LRP1B: variants seen among roughly 807,000 people sequenced by gnomAD.
LRP1B encodes the protein LDL receptor related protein 1B.
In LRP1B, 217 loss-of-function variants were observed where a neutral mutation model predicts 556.6. The observed-to-expected ratio is 0.39, with a 90% CI of 0.35 to 0.44. The LOEUF (loss-of-function observed/expected upper bound fraction) is 0.44. LRP1B is among the 20% of genes least tolerant of loss of function. The pLI is 1.00. For missense variants in LRP1B, 5,053 were observed against 5,620.8 expected, an observed-to-expected ratio of 0.90 and a Z score of 3.23; for synonymous variants, 2,047 against 1,865.8, an observed-to-expected ratio of 1.10 and a Z score of -2.50.
intron 1 of LRP1B, among the ~76,000 whole-genome samples, chr2:141,928,810 A>G (rs773179206): frequency 6.6e-6 from 1 of 152,164 alleles, no homozygotes; most frequent in Non-Finnish European, 1.5e-5. Flanking sequence ...TGTGACAAGT[A>G]AGTCCTCTAC....
intron 2 of LRP1B, among the ~76,000 whole-genome samples, chr2:141,685,928 C>G (rs1007909407): frequency 4.6e-5 from 7 of 151,964 alleles, no homozygotes; most frequent in Non-Finnish European, 1.0e-4. Flanking sequence ...GTTGGAACAG[C>G]ATTGTAAAAC....
intron 1 of LRP1B, among the ~76,000 whole-genome samples, chr2:141,869,581 A>T (rs1170417849): frequency 6.6e-6 from 1 of 152,122 alleles, no homozygotes; most frequent in Non-Finnish European, 1.5e-5. Context: ...AACAGAAAAC[A>T]TATGGGTCTG....
At chr2:141,640,863 A>G (rs191670807) in intron 2 of LRP1B, among the ~76,000 whole-genome samples, 29 of 152,226 alleles carry the variant, frequency 1.9e-4, no homozygotes, top group South Asian at 1.0e-3. Flanking sequence ...TTCTTCCCCA[A>G]TAATTTTTCA....
chr2:141,808,113 C>T (rs1169319030), intron 2 of LRP1B, among the ~76,000 whole-genome samples: 1 of 152,058 alleles, frequency 6.6e-6, no homozygotes, highest in Non-Finnish European at 1.5e-5. Context: ...GTTCATCATT[C>T]TTCACCGGCA....
Position 140,989,256 on chromosome 2 carries a change from G to T in LRP1B, c.2770+276C>A, listed in dbSNP as rs993137182. On this transcript the variant is annotated intron_variant, in intron 17 of 90. Coordinates refer to ENST00000389484, the MANE Select transcript of LRP1B (RefSeq NM_018557.3). ...AACCTCCACTGCCAAGTAGGATTTA[G>T]TAGGGACAAGTCTTGTACAAGTAGT... 5.3e-5 allele frequency among the ~76,000 whole-genome samples: 8 copies of T among 152,198 alleles called. No homozygotes were observed. In the South Asian group the frequency reaches 8.3e-4, roughly 16 times the overall value.
At chr2:140,787,801 C>T (rs1689961148) in intron 32 of LRP1B, among the ~76,000 whole-genome samples, 1 of 151,908 alleles carries the variant, frequency 6.6e-6, no homozygotes, top group Admixed American at 6.6e-5. Context: ...TTTAGAACTC[C>T]TGGCCTCAAG....
intron 3 of LRP1B, among the ~76,000 whole-genome samples, chr2:141,391,684 GA>G (rs1193914921): frequency 6.6e-6 from 1 of 152,176 alleles, no homozygotes; most frequent in African/African-American, 2.4e-5. Flanking sequence ...ATCAGGATTA[GA>G]GGAAAGAGAA....
chr2:140,994,547 T>C (rs1697187662), intron 15 of LRP1B, among the ~76,000 whole-genome samples: 1 of 151,888 alleles, frequency 6.6e-6, no homozygotes, highest in Non-Finnish European at 1.5e-5. Context: ...CAACATACAA[T>C]ACAAAGACTA....
chr2:140,275,326 CTCT>C (rs967756229), intron 84 of LRP1B, among the ~76,000 whole-genome samples: 12 of 152,170 alleles, frequency 7.9e-5, no homozygotes, highest in East Asian at 3.9e-4. Flanking sequence ...GCAGAGAGCT[CTCT>C]TCTTCTTCCC....
chr2:140,623,457 A>G (rs1218340733), intron 41 of LRP1B, among the ~76,000 whole-genome samples: 1 of 152,174 alleles, frequency 6.6e-6, no homozygotes, highest in African/African-American at 2.4e-5. Context: ...ACTGAGACAA[A>G]TTATATCAAA....
chr2:142,108,194 T>C (rs1312347536), intron 1 of LRP1B, among the ~76,000 whole-genome samples: 1 of 151,808 alleles, frequency 6.6e-6, no homozygotes, highest in Non-Finnish European at 1.5e-5. Flanking sequence ...AATGAATTTA[T>C]AGGGAACTCT....
intron 66 of LRP1B, among the ~76,000 whole-genome samples, chr2:140,417,904 G>C (rs1447305536): frequency 1.3e-5 from 2 of 152,144 alleles, no homozygotes; most frequent in South Asian, 4.1e-4. Context: ...GCTCTGTGAG[G>C]GGATAGAAAC....
At chr2:140,592,688 C>T (rs1682275699) in intron 43 of LRP1B, among the ~76,000 whole-genome samples, 2 of 151,984 alleles carry the variant, frequency 1.3e-5, no homozygotes, top group Admixed American at 1.3e-4. Flanking sequence ...TATATAGATG[C>T]ATATAGATGA....
intron 3 of LRP1B, among the ~76,000 whole-genome samples, chr2:141,290,404 TG>T: frequency 6.6e-6 from 1 of 152,318 alleles, no homozygotes; most frequent in East Asian, 1.9e-4. Flanking sequence ...CATTTAATAT[TG>T]GGTTGTTTAT....
rs752457383 is a variant in LRP1B, at chr2:141,062,141, T to C, written c.1146A>G (p.Lys382=). ...PAALALDLVN[K]LVYWVDLYLD... ...AGTAAAGATCTACCCAGTAAACCAA[T>C]TTGTTGACTAGGTCTAGTGCCAGTG... Residue 382 remains lysine, a synonymous_variant, in exon 8 of 91, where the codon AAA becomes AAG. Transcript: ENST00000389484. 1.9e-6 allele frequency: 3 copies of C among 1,612,126 alleles called. No individual in the cohort carries two copies. In the Admixed American group the frequency reaches 5.0e-5, roughly 27 times the overall value.
At chr2:140,592,204 C>T (rs1682255749) in intron 43 of LRP1B, among the ~76,000 whole-genome samples, 1 of 151,972 alleles carries the variant, frequency 6.6e-6, no homozygotes, top group African/African-American at 2.4e-5. Context: ...TTTATTAGAA[C>T]AGAAATAAGG....
chr2:142,076,734 C>T (rs565264040), intron 1 of LRP1B, among the ~76,000 whole-genome samples: 6 of 152,078 alleles, frequency 3.9e-5, no homozygotes, highest in Admixed American at 6.6e-5. Context: ...TAGAAATCTC[C>T]GAAGAGGAGT....
Position 140,769,246 on chromosome 2 carries a change from T to C in LRP1B, c.5725A>G (p.Thr1909Ala), listed in dbSNP as rs368998368. Residue 1909 changes from threonine (T) to alanine (A), a missense_variant, in exon 35 of 91, where the codon ACT (threonine) becomes GCT (alanine). By Grantham distance (58) the Thr-to-Ala change is moderately conservative. Coordinates refer to ENST00000389484, the MANE Select transcript of LRP1B (RefSeq NM_018557.3). ...KMDALMPISGTSFAVGIDFHA... is the reference protein window; with the variant it reads ...KMDALMPISGASFAVGIDFHA... ...AAATCTATTCCCACGGCAAATGAAG[T>C]TCCTGATATAGGCATCAAAGCATCC... 2 of 1,612,268 alleles carry C rather than the reference T, an allele frequency of 1.2e-6. No individual in the cohort carries two copies. The highest frequency in any genetic ancestry group is 8.5e-7 in the Non-Finnish European group (1 of 1,178,712).
chr2:141,278,679 T>A (rs937667132), intron 3 of LRP1B, among the ~76,000 whole-genome samples: 1 of 152,100 alleles, frequency 6.6e-6, no homozygotes, highest in Admixed American at 6.6e-5. Context: ...AAGGGACCCA[T>A]GAGGCCTGCT....
Sources: allele counts gnomAD v4.1 joint callset (sites outside exome capture counted in the v4.1 genomes callset), GRCh38; gene constraint gnomAD v4.1.1; transcripts MANE v1.5; gene names NCBI Gene and HGNC (gene_info 2026-07-23, HGNC 2026-07-21).